SND1: variants seen among roughly 807,000 people sequenced by gnomAD.
SND1 encodes the protein staphylococcal nuclease and tudor domain containing 1.
In SND1, 38 loss-of-function variants were observed where a neutral mutation model predicts 121.7. That is an observed-to-expected ratio of 0.31 (90% CI 0.24 to 0.41). SND1 has a LOEUF of 0.41. Ranked by LOEUF, SND1 falls within the 10% of genes least tolerant of loss-of-function variation. The pLI, the probability that SND1 is intolerant of heterozygous loss-of-function variation, is 1.00. For synonymous variants in SND1, 401 were observed against 447.4 expected, an observed-to-expected ratio of 0.90 and a Z score of 1.31; for missense variants, 868 against 1,184.6, an observed-to-expected ratio of 0.73 and a Z score of 3.92.
intron 14 of SND1, among the ~76,000 whole-genome samples, chr7:127,914,466 C>T (rs1325220895): frequency 6.6e-6 from 1 of 152,100 alleles, no homozygotes; most frequent in Non-Finnish European, 1.5e-5. Context: ...ATCATATTAC[C>T]ATGATTTTGT....
chr7:127,738,960 A>G (rs531831225), intron 10 of SND1, among the ~76,000 whole-genome samples: 1 of 152,258 alleles, frequency 6.6e-6, no homozygotes, highest in East Asian at 1.9e-4. Flanking sequence ...TTGGAAGGAC[A>G]CTTGCAGGGT....
At chr7:127,772,739 A>C (rs1251438362) in intron 10 of SND1, among the ~76,000 whole-genome samples, 2 of 152,082 alleles carry the variant, frequency 1.3e-5, no homozygotes, top group Non-Finnish European at 2.9e-5. Context: ...CTAAACAAAC[A>C]TTTCCAGCTA....
chr7:128,009,533 A>T (rs192325503), intron 16 of SND1, among the ~76,000 whole-genome samples: 1 of 152,364 alleles, frequency 6.6e-6, no homozygotes, highest in African/African-American at 2.4e-5. Context: ...TACAGTAGCC[A>T]CGTAATGGAT....
At chr7:128,007,213 G>C (rs544788952) in intron 16 of SND1, among the ~76,000 whole-genome samples, 1 of 152,130 alleles carries the variant, frequency 6.6e-6, no homozygotes, top group African/African-American at 2.4e-5. Context: ...ATCTTCCTCA[G>C]CTTTGTCAGA....
chr7:127,970,325 A>G (rs962090319), intron 15 of SND1, among the ~76,000 whole-genome samples: 1 of 152,202 alleles, frequency 6.6e-6, no homozygotes, highest in Non-Finnish European at 1.5e-5. Context: ...GCTGCATTTT[A>G]TTGCCAAGTT....
chr7:127,784,968 G>A (rs551494471), intron 10 of SND1, among the ~76,000 whole-genome samples: 1 of 152,114 alleles, frequency 6.6e-6, no homozygotes, highest in African/African-American at 2.4e-5. Flanking sequence ...GCACAAGCTG[G>A]AGTGCAGTGG....
chr7:127,735,599 T>C (rs917377762), intron 10 of SND1, among the ~76,000 whole-genome samples: 2 of 152,132 alleles, frequency 1.3e-5, no homozygotes, highest in Non-Finnish European at 2.9e-5. Flanking sequence ...CTGTAACTTT[T>C]CTAAAGGGTG....
chr7:127,941,306 T>C (rs1195299249), intron 15 of SND1, among the ~76,000 whole-genome samples: 1 of 152,242 alleles, frequency 6.6e-6, no homozygotes, highest in African/African-American at 2.4e-5. Context: ...TATAGGCTTC[T>C]AAAGTAGGCT....
intron 13 of SND1, among the ~76,000 whole-genome samples, chr7:127,891,440 C>T (rs984295016): frequency 6.6e-6 from 1 of 152,034 alleles, no homozygotes; most frequent in Admixed American, 6.6e-5. Flanking sequence ...CCCCATGTTC[C>T]CTTAGCATTC....
intron 1 of SND1, among the ~76,000 whole-genome samples, chr7:127,663,256 T>G (rs909933001): frequency 5.9e-5 from 9 of 152,196 alleles, no homozygotes; most frequent in African/African-American, 2.2e-4. Context: ...ATGTAGATAG[T>G]TGCTATATTT....
chr7:127,692,932 T>C (rs913846175), intron 2 of SND1, among the ~76,000 whole-genome samples: 7 of 152,222 alleles, frequency 4.6e-5, no homozygotes, highest in Non-Finnish European at 1.0e-4. Flanking sequence ...ATTGGAGATT[T>C]CCCTGCAGGG....
chr7:128,052,724 C>G lies in SND1; in HGVS notation c.1780-21778C>G, dbSNP rs1033851993. 6.6e-6 allele frequency among the ~76,000 whole-genome samples: 1 copy of G among 152,218 alleles called. No individual in the cohort carries two copies. The highest frequency in any genetic ancestry group is 1.5e-5 in the Non-Finnish European group (1 of 68,036). On this transcript the variant is annotated intron_variant, in intron 16 of 23. Transcript: ENST00000354725. This position sits in a 1 kb window ranked among gnomAD's most constrained non-coding sequence, Gnocchi z 4.6. ...CCATCTCCTTGTCCAAAGCCTGGCC[C>G]GATGGGCTGTGTCTGGAATGCCAGT...
chr7:127,823,946 G>C (rs1308346032), intron 11 of SND1, among the ~76,000 whole-genome samples: 9 of 152,158 alleles, frequency 5.9e-5, no homozygotes, highest in Non-Finnish European at 1.3e-4. Context: ...TTATGTTATA[G>C]AGTGATGCAT....
intron 8 of SND1, among the ~76,000 whole-genome samples, chr7:127,705,332 A>G (rs556600955): frequency 1.3e-5 from 2 of 152,228 alleles, no homozygotes; most frequent in Non-Finnish European, 2.9e-5. Flanking sequence ...GAGCAGGGGT[A>G]TGATGGAAAG....
intron 13 of SND1, among the ~76,000 whole-genome samples, chr7:127,898,472 G>A (rs1175191430): frequency 2.6e-5 from 4 of 152,056 alleles, no homozygotes; most frequent in Admixed American, 1.3e-4. Flanking sequence ...CCACCCTGTC[G>A]CTTCCTCCAG....
At chr7:128,040,113 G>A (rs1055542259) in intron 16 of SND1, among the ~76,000 whole-genome samples, 2 of 151,710 alleles carry the variant, frequency 1.3e-5, no homozygotes, top group African/African-American at 4.8e-5. Context: ...AAACACTCAG[G>A]GAGACAGCAA....
At chr7:127,845,610 T>C (rs1799045262) in intron 12 of SND1, among the ~76,000 whole-genome samples, 1 of 152,252 alleles carries the variant, frequency 6.6e-6, no homozygotes, top group African/African-American at 2.4e-5. Flanking sequence ...GAGTCAGTTG[T>C]ATGCTTCCCT....
chr7:127,978,602 G>T (rs1802183736), intron 15 of SND1, among the ~76,000 whole-genome samples: 3 of 152,194 alleles, frequency 2.0e-5, no homozygotes, highest in African/African-American at 7.2e-5. Flanking sequence ...GCACATACCT[G>T]TGGTTAATGT....
At chr7:128,031,847 G>A (rs901296878) in intron 16 of SND1, among the ~76,000 whole-genome samples, 1 of 150,238 alleles carries the variant, frequency 6.7e-6, no homozygotes, top group African/African-American at 2.4e-5. Context: ...GAGCGAGTTC[G>A]CGGCTTCGGC....
Sources: allele counts gnomAD v4.1 joint callset (sites outside exome capture counted in the v4.1 genomes callset), GRCh38; gene constraint gnomAD v4.1.1; non-coding constraint Gnocchi (gnomAD v3.1); transcripts MANE v1.5; gene names NCBI Gene and HGNC (gene_info 2026-07-23, HGNC 2026-07-21).